The following MACROD2 variants were observed in gnomAD, a reference collection of about 807,000 sequenced individuals.
The protein encoded by MACROD2 is mono-ADP ribosylhydrolase 2.
In MACROD2, 36 loss-of-function variants were observed where a neutral mutation model predicts 70.4. That is an observed-to-expected ratio of 0.51 (90% CI 0.39 to 0.68). MACROD2 has a LOEUF of 0.68. MACROD2 is among the 30% of genes least tolerant of loss of function. The pLI is 0.00. For synonymous variants in MACROD2, 172 were observed against 178.8 expected (o/e 0.96, Z 0.30); for missense variants, 496 against 538.4 (o/e 0.92, Z 0.78).
At chr20:14,490,708 T>C (rs1259950570) in intron 3 of MACROD2, among the ~76,000 whole-genome samples, 1 of 152,172 alleles carries the variant, frequency 6.6e-6, no homozygotes, top group East Asian at 1.9e-4. Flanking sequence ...AGGAAGCATG[T>C]CCAAAATTCC....
rs1233603071 is a variant in MACROD2, at chr20:14,526,986, A to G, written c.301+33478A>G. The stretch of plus-strand genomic sequence containing the variant: ...TTGGTGTTGTACGGATCATATGTGG[A>G]CTTGGAGAATGAGTGCAAGGTTTTA... On this transcript the variant is annotated intron_variant, in intron 4 of 17. Transcript: ENST00000684519. 3.9e-5 allele frequency among the ~76,000 whole-genome samples: 6 copies of G among 152,178 alleles called. No individual in the cohort carries two copies. In the East Asian group the frequency reaches 9.6e-4, roughly 24 times the overall value.
At position 15,780,604 on chromosome 20, in the gene MACROD2, T is replaced by A. The variant is rs541284177; in HGVS notation, c.646-82141T>A. Among the ~76,000 whole-genome samples the A allele has an allele frequency of 1.1e-4, 16 of 152,260 alleles. 1 individual carries two copies. The highest frequency in any genetic ancestry group is 3.4e-3 in the Middle Eastern group (1 of 294). On this transcript the variant is annotated intron_variant, in intron 8 of 17. Coordinates refer to ENST00000684519, the MANE Select transcript of MACROD2 (RefSeq NM_001351661.2). ...AAAGTTTGAATCAGAGAAATTTAAA[T>A]ACCTAAATGTCACTTTGAAAGATCA...
At chr20:14,857,629 G>A (rs181162020) in intron 5 of MACROD2, among the ~76,000 whole-genome samples, 3 of 152,192 alleles carry the variant, frequency 2.0e-5, no homozygotes, top group African/African-American at 4.8e-5. Flanking sequence ...TAAAAGCCAC[G>A]AAGTGAATAG....
chr20:14,968,205 G>A (rs1031453594), intron 5 of MACROD2, among the ~76,000 whole-genome samples: 2 of 152,038 alleles, frequency 1.3e-5, no homozygotes, highest in Non-Finnish European at 2.9e-5. Flanking sequence ...CTCTTCAAAA[G>A]CATTTTTTTA....
intron 5 of MACROD2, among the ~76,000 whole-genome samples, chr20:15,000,371 C>A (rs1247594815): frequency 6.7e-6 from 1 of 149,100 alleles, no homozygotes; most frequent in Non-Finnish European, 1.5e-5. Flanking sequence ...CGCCTGTAGT[C>A]CCAGCACTTT....
intron 5 of MACROD2, among the ~76,000 whole-genome samples, chr20:14,699,160 T>G (rs746154562): frequency 6.6e-6 from 1 of 152,160 alleles, no homozygotes; most frequent in Non-Finnish European, 1.5e-5. Context: ...CATGAATTGA[T>G]AGTGAGGTCC....
intron 6 of MACROD2, among the ~76,000 whole-genome samples, chr20:15,255,120 T>C (rs2077188187): frequency 6.6e-6 from 1 of 151,998 alleles, no homozygotes; most frequent in Non-Finnish European, 1.5e-5. Flanking sequence ...CCATAAAATA[T>C]ATATTTCTCT....
chr20:15,842,243 G>T (rs1178630267), intron 8 of MACROD2, among the ~76,000 whole-genome samples: 2 of 152,032 alleles, frequency 1.3e-5, no homozygotes, highest in African/African-American at 4.8e-5. Context: ...TGGACCTACA[G>T]GTGCATGCCA....
intron 8 of MACROD2, among the ~76,000 whole-genome samples, chr20:15,681,972 C>G (rs977126233): frequency 2.0e-5 from 3 of 152,150 alleles, no homozygotes; most frequent in Non-Finnish European, 4.4e-5. Context: ...TTCTGAATAG[C>G]CCTTCCAAAA....
intron 5 of MACROD2, among the ~76,000 whole-genome samples, chr20:14,853,177 G>A (rs6131619): frequency 8.1e-5 from 6 of 74,196 alleles, no homozygotes; most frequent in Non-Finnish European, 7.6e-5. Context: ...GTGTGTCTGT[G>A]TGTGTGTGTG....
At chr20:15,126,252 GTT>G (rs948357949) in intron 5 of MACROD2, among the ~76,000 whole-genome samples, 1 of 150,244 alleles carries the variant, frequency 6.7e-6, no homozygotes, top group African/African-American at 2.4e-5. Flanking sequence ...GTAATTTTAT[GTT>G]TAATTTTACA....
chr20:14,378,298 G>T (rs2083391777), intron 3 of MACROD2, among the ~76,000 whole-genome samples: 1 of 152,182 alleles, frequency 6.6e-6, no homozygotes, highest in Non-Finnish European at 1.5e-5. Flanking sequence ...TTTCCTAACT[G>T]CAAGGGGTAC....
chr20:14,412,148 G>C (rs979681120), intron 3 of MACROD2, among the ~76,000 whole-genome samples: 2 of 152,098 alleles, frequency 1.3e-5, no homozygotes, highest in African/African-American at 4.8e-5. Flanking sequence ...CGCACTTTCT[G>C]TTTAGCCCAG....
At chr20:15,027,910 G>A (rs568285796) in intron 5 of MACROD2, among the ~76,000 whole-genome samples, 3 of 152,226 alleles carry the variant, frequency 2.0e-5, no homozygotes, top group Admixed American at 2.0e-4. Flanking sequence ...AACATTTAAA[G>A]GTCTGGGTTT....
intron 5 of MACROD2, among the ~76,000 whole-genome samples, chr20:15,041,617 C>T (rs1049752762): frequency 3.9e-5 from 6 of 152,026 alleles, no homozygotes; most frequent in African/African-American, 1.4e-4. Flanking sequence ...AATTTTTAAA[C>T]ATTTTTTGTA....
At chr20:14,061,533 G>A (rs2053690946) in intron 2 of MACROD2, among the ~76,000 whole-genome samples, 2 of 152,062 alleles carry the variant, frequency 1.3e-5, no homozygotes, top group Admixed American at 1.3e-4. Context: ...GGAAAAGGTT[G>A]CGAGGGTGCT....
At chr20:15,175,284 G>T (rs912962130) in intron 5 of MACROD2, among the ~76,000 whole-genome samples, 2 of 123,266 alleles carry the variant, frequency 1.6e-5, no homozygotes, top group African/African-American at 3.0e-5. Flanking sequence ...GTTGTGGGGT[G>T]GGGGGAGGGG....
rs2054300763 is a variant in MACROD2, at chr20:14,101,385, CA to C, written c.271+15659del. On this transcript the variant is annotated intron_variant, in intron 3 of 17. Transcript: ENST00000684519. The stretch of plus-strand genomic sequence containing the variant: ...GTTATAATCTAAGCCCCTGAGTTTA[CA>C]ACCTAGTGGGAAATTGTGGTCAAAG... 2.0e-5 allele frequency among the ~76,000 whole-genome samples: 3 copies of C among 152,072 alleles called. No homozygotes were observed. The South Asian group carries it at 6.2e-4, about 32-fold the overall frequency.
intron 8 of MACROD2, among the ~76,000 whole-genome samples, chr20:15,622,507 G>A (rs1172269894): frequency 6.6e-6 from 1 of 152,106 alleles, no homozygotes; most frequent in African/African-American, 2.4e-5. Flanking sequence ...AACCAAGACA[G>A]CTCCTGAATG....
Sources: gnomAD v4.1 joint callset for allele counts (sites outside exome capture counted in the v4.1 genomes callset) on GRCh38, gnomAD v4.1.1 for gene constraint, MANE v1.5 for transcripts, NCBI Gene and HGNC (gene_info 2026-07-23, HGNC 2026-07-21) for gene names.